The following LRP1B variants were observed in gnomAD, a reference collection of about 807,000 sequenced individuals.
The protein encoded by LRP1B is low-density lipoprotein receptor-related protein 1B.
Under a neutral mutation model 556.6 loss-of-function variants are expected in LRP1B, and 217 were observed. The ratio of observed to expected loss-of-function variants is 0.39; its 90% confidence interval spans 0.35 to 0.44. LRP1B has a LOEUF of 0.44. LRP1B is among the 20% of genes least tolerant of loss of function. The pLI is 1.00. For missense variants in LRP1B, 5,053 were observed against 5,620.8 expected (o/e 0.90, Z 3.23); for synonymous variants, 2,047 against 1,865.8 (o/e 1.10, Z -2.50).
chr2:141,100,600 T>C (rs1700436545), intron 7 of LRP1B, among the ~76,000 whole-genome samples: 1 of 152,142 alleles, frequency 6.6e-6, no homozygotes, highest in Non-Finnish European at 1.5e-5. Flanking sequence ...TAGAGATATC[T>C]CAACAGAATC....
At chr2:140,485,576 G>T in intron 58 of LRP1B, 52 bp from the exon 59 acceptor site, 1 of 1,306,620 alleles carries the variant, frequency 7.7e-7, no homozygotes, top group Non-Finnish European at 1.1e-6. Flanking sequence ...AAAATAAGAA[G>T]TGAGCAATTG....
At chr2:142,117,034 A>G (rs1264608680) in intron 1 of LRP1B, among the ~76,000 whole-genome samples, 1 of 151,686 alleles carries the variant, frequency 6.6e-6, no homozygotes. Context: ...TCCACATTTC[A>G]CTAACAATGT....
At chr2:140,358,161 A>G (rs758635728) in intron 73 of LRP1B, 45 bp from the exon 74 acceptor site, 19 of 1,577,184 alleles carry the variant, frequency 1.2e-5, no homozygotes, top group Middle Eastern at 1.7e-4. Context: ...CAGAATCAAA[A>G]CACTCTTATT....
intron 59 of LRP1B, among the ~76,000 whole-genome samples, chr2:140,485,002 A>G (rs1298754820): frequency 2.0e-5 from 3 of 152,182 alleles, no homozygotes; most frequent in African/African-American, 7.2e-5. Flanking sequence ...GCAAAACATC[A>G]TCTAAGAATT....
chr2:140,461,519 A>C (rs533404352), intron 60 of LRP1B, among the ~76,000 whole-genome samples: 2 of 152,252 alleles, frequency 1.3e-5, no homozygotes, highest in South Asian at 4.1e-4. Context: ...TATGCCCAGC[A>C]ATCACTGTAA....
chr2:141,871,231 T>C (rs969551763), intron 1 of LRP1B, among the ~76,000 whole-genome samples: 5 of 152,018 alleles, frequency 3.3e-5, no homozygotes, highest in African/African-American at 1.2e-4. Context: ...TCCTGTTCCA[T>C]GTGTTTCAAT....
chr2:140,238,396 A>T, intron 88 of LRP1B, 100 bp from the exon 89 acceptor site: 1 of 593,000 alleles, frequency 1.7e-6, no homozygotes, highest in South Asian at 3.2e-5. Flanking sequence ...TTTTGAAATA[A>T]ATTGAATAAA....
At chr2:141,731,134 T>C (rs1173856928) in intron 2 of LRP1B, among the ~76,000 whole-genome samples, 1 of 152,122 alleles carries the variant, frequency 6.6e-6, no homozygotes, top group Non-Finnish European at 1.5e-5. Context: ...TTTATTTTCA[T>C]AATACAGAAC....
chr2:141,674,307 T>G (rs355548), intron 2 of LRP1B, among the ~76,000 whole-genome samples: 1 of 152,046 alleles, frequency 6.6e-6, no homozygotes, highest in South Asian at 2.1e-4. Context: ...CTGTTAATAA[T>G]CATTTTAAGA....
chr2:141,231,605 C>T lies in LRP1B; in HGVS notation c.593-2165G>A, dbSNP rs1029065619. On this transcript the variant is annotated intron_variant, in intron 5 of 90. Transcript: ENST00000389484. ...TAGCACGTTCCCTTAGCACATTCCCCCCACCCCCACCCCTGCCCCGCCCCG... is the reference window on the plus strand; with the variant it reads ...TAGCACGTTCCCTTAGCACATTCCCTCCACCCCCACCCCTGCCCCGCCCCG... Among the ~76,000 whole-genome samples, 11 of 148,928 alleles carry T rather than the reference C, an allele frequency of 7.4e-5. No individual in the cohort carries two copies. In the East Asian group the frequency reaches 2.2e-3, roughly 30 times the overall value.
At chr2:141,112,698 G>T (rs556269961) in intron 7 of LRP1B, among the ~76,000 whole-genome samples, 6 of 152,138 alleles carry the variant, frequency 3.9e-5, no homozygotes, top group Admixed American at 6.5e-5. Context: ...AAGCCTGCAA[G>T]AACCTAACCT....
intron 3 of LRP1B, among the ~76,000 whole-genome samples, chr2:141,290,958 A>T (rs959446072): frequency 3.3e-5 from 5 of 152,154 alleles, no homozygotes; most frequent in Non-Finnish European, 7.4e-5. Context: ...TCAAGTGTAT[A>T]AGATATGTTA....
intron 35 of LRP1B, among the ~76,000 whole-genome samples, chr2:140,745,679 G>A (rs184287998): frequency 6.6e-6 from 1 of 152,010 alleles, no homozygotes; most frequent in African/African-American, 2.4e-5. Flanking sequence ...TTTTCTTCCT[G>A]AACCCAGATG....
At chr2:141,127,124 C>T (rs550014026) in intron 7 of LRP1B, among the ~76,000 whole-genome samples, 63 of 151,872 alleles carry the variant, frequency 4.1e-4, no homozygotes, top group Middle Eastern at 3.4e-3. Context: ...GTTTTCTATG[C>T]CTGTGTTAGC....
intron 1 of LRP1B, among the ~76,000 whole-genome samples, chr2:141,959,553 C>T (rs2105051392): frequency 6.6e-6 from 1 of 151,856 alleles, no homozygotes; most frequent in East Asian, 1.9e-4. Flanking sequence ...TCTAGACCGG[C>T]ACTCTCCAAA....
rs1043575808 is a variant in LRP1B, at chr2:141,179,266, G to A, written c.1013+9155C>T. ...TGAATTTATGAGACTAATTATTTAG[G>A]TATGTGTTGAAATTAGATTCCCAAT... On this transcript the variant is annotated intron_variant, in intron 7 of 90. Coordinates refer to ENST00000389484, the MANE Select transcript of LRP1B (RefSeq NM_018557.3). 3.9e-5 allele frequency among the ~76,000 whole-genome samples: 6 copies of A among 152,046 alleles called. No homozygotes were observed. In the East Asian group the frequency reaches 1.2e-3, roughly 30 times the overall value.
intron 2 of LRP1B, among the ~76,000 whole-genome samples, chr2:141,593,867 C>T (rs1051371710): frequency 5.3e-5 from 8 of 152,024 alleles, no homozygotes; most frequent in African/African-American, 1.9e-4. Flanking sequence ...CCTAGTGAAA[C>T]CCTACCTCCA....
chr2:140,683,971 C>A (rs1446471661), intron 41 of LRP1B: 2 of 331,298 alleles, frequency 6.0e-6, no homozygotes, highest in African/African-American at 4.3e-5. Flanking sequence ...AATGGCAAAG[C>A]CCGCAGTTAC....
chr2:140,335,129 A>G (rs1681009619), intron 78 of LRP1B, among the ~76,000 whole-genome samples: 1 of 152,050 alleles, frequency 6.6e-6, no homozygotes, highest in Admixed American at 6.6e-5. Flanking sequence ...GTAGGTTTAC[A>G]TCTCTAACTA....
Sources: allele counts gnomAD v4.1 joint callset (sites outside exome capture counted in the v4.1 genomes callset), GRCh38; gene constraint gnomAD v4.1.1; transcripts MANE v1.5; gene names NCBI Gene and HGNC (gene_info 2026-07-23, HGNC 2026-07-21).